Variants in YWHAB observed in about 807,000 individuals in gnomAD.
YWHAB encodes the protein tyrosine 3-monooxygenase/tryptophan 5-monooxygenase activation protein beta, also known as 14-3-3 protein beta/alpha.
Under a neutral mutation model 28.5 loss-of-function variants are expected in YWHAB, and 2 were observed. That is an observed-to-expected ratio of 0.07 (90% CI 0.03 to 0.22). The LOEUF (loss-of-function observed/expected upper bound fraction) is 0.22, where lower values mean the gene tolerates loss of function less well. Among genes scored for constraint, YWHAB ranks in the 10% least tolerant of loss-of-function variants. The pLI, the probability that YWHAB is intolerant of heterozygous loss-of-function variation, is 1.00. For missense variants in YWHAB, 148 were observed against 297.1 expected (o/e 0.50, Z 3.69); for synonymous variants, 103 against 104.7 (o/e 0.98, Z 0.10).
intron 1 of YWHAB, among the ~76,000 whole-genome samples, chr20:44,892,614 T>A (rs1246995948): frequency 6.6e-6 from 1 of 152,244 alleles, no homozygotes; most frequent in East Asian, 1.9e-4. Context: ...TTGGATTATA[T>A]GTGTTACATT....
chr20:44,889,353 A>T (rs2066546725), intron 1 of YWHAB, among the ~76,000 whole-genome samples: 2 of 152,188 alleles, frequency 1.3e-5, no homozygotes, highest in South Asian at 4.1e-4. Flanking sequence ...CTGCTTTCTC[A>T]ACTAAAAGAT....
intron 1 of YWHAB, among the ~76,000 whole-genome samples, chr20:44,896,516 G>T (rs1298883879): frequency 6.6e-6 from 1 of 152,228 alleles, no homozygotes; most frequent in Admixed American, 6.5e-5. Context: ...TGATGTGGGG[G>T]TCTGGAAGAT....
intron 1 of YWHAB, among the ~76,000 whole-genome samples, chr20:44,887,970 ATGT>A (rs2066538070): frequency 6.6e-6 from 1 of 152,210 alleles, no homozygotes; most frequent in African/African-American, 2.4e-5. Context: ...CTTTGTACAC[ATGT>A]TGCTTTCAAA....
chr20:44,895,196 G>A (rs770923520), intron 1 of YWHAB, among the ~76,000 whole-genome samples: 1 of 152,210 alleles, frequency 6.6e-6, no homozygotes, highest in Non-Finnish European at 1.5e-5. Flanking sequence ...CAGATAGGCA[G>A]GCAGTAAATA....
intron 1 of YWHAB, chr20:44,886,397 A>G (rs547343177): frequency 6.6e-6 from 1 of 152,160 alleles, no homozygotes; most frequent in African/African-American, 2.4e-5. Context: ...CAGTGGGGGA[A>G]CCCCCTCCCA....
Position 44,906,450 on chromosome 20 carries a change from C to T in YWHAB, c.*12C>T. 6.3e-7 allele frequency: 1 copy of T among 1,582,504 alleles called. No homozygotes were observed. Among genetic ancestry groups the T allele is most frequent in the Non-Finnish European group, 8.6e-7 (1 of 1,165,118 alleles). On this transcript the variant is annotated 3_prime_UTR_variant, in exon 6 of 6. Transcript: ENST00000353703. ...AGGGAGAGAACTAATGTTTCTCGTG[C>T]TTTGTGATCTGTTCAGTGTCACTCT...
chr20:44,891,200 C>G (rs1220404760), intron 1 of YWHAB, among the ~76,000 whole-genome samples: 2 of 151,618 alleles, frequency 1.3e-5, no homozygotes, highest in Admixed American at 1.3e-4. Flanking sequence ...CTCACTGCAG[C>G]CTCTGCCTTC....
intron 1 of YWHAB, among the ~76,000 whole-genome samples, chr20:44,892,736 T>G (rs766003482): frequency 2.1e-4 from 32 of 152,346 alleles, no homozygotes; most frequent in Non-Finnish European, 3.8e-4. Flanking sequence ...TATTAATGTC[T>G]CTTTTTAACA....
intron 1 of YWHAB, among the ~76,000 whole-genome samples, chr20:44,891,124 GT>G (rs530951806): frequency 2.8e-4 from 42 of 147,818 alleles, no homozygotes; most frequent in African/African-American, 6.4e-4. Context: ...ATTTGCCTAT[GT>G]TTTTTTTTTT....
At chr20:44,890,956 C>T (rs1233484392) in intron 1 of YWHAB, among the ~76,000 whole-genome samples, 2 of 152,092 alleles carry the variant, frequency 1.3e-5, no homozygotes, top group African/African-American at 4.8e-5. Context: ...AAGCAGAGTA[C>T]GTGTAAAATA....
At chr20:44,903,714 G>T (rs2066640219) in intron 2 of YWHAB, 1 of 275,178 alleles carries the variant, frequency 3.6e-6, no homozygotes, top group Non-Finnish European at 6.9e-6. Flanking sequence ...TCCATTATCT[G>T]TTTAGCTCTG....
In YWHAB at chr20:44,904,099, C is replaced by G. The variant is rs764818610; in HGVS notation, c.407C>G (p.Ser136Cys). Residue 136 changes from serine to cysteine, a missense_variant, in exon 3 of 6, where the codon TCT (serine) becomes TGT (cysteine). Physicochemically the swap from Ser to Cys is moderately radical, Grantham distance 112 (BLOSUM62 -1). This residue lies in a region of YWHAB where 110 missense variants were observed against 177.9 expected (regional missense o/e 0.62). Coordinates refer to ENST00000353703, the MANE Select transcript of YWHAB (RefSeq NM_139323.4). The stretch of plus-strand genomic sequence containing the variant: ...TTTAGGTATCTTTCTGAAGTGGCAT[C>G]TGGAGACAACAAACAAAGTAAGTAA... ...DYFRYLSEVA[S>C]GDNKQTTVSN... 1.9e-6 allele frequency: 3 copies of G among 1,612,264 alleles called. No individual in the cohort carries two copies. The highest frequency in any genetic ancestry group is 2.2e-5 in the South Asian group (2 of 90,632).
At chr20:44,905,161 A>G (rs772093123) in intron 4 of YWHAB, 30 bp downstream of exon 4, 2 of 1,575,176 alleles carry the variant, frequency 1.3e-6, no homozygotes, top group Admixed American at 1.9e-5. Context: ...ATATCTAACC[A>G]TAGCAAAACA....
chr20:44,908,368 TG>T lies in YWHAB; in HGVS notation c.*1932del, dbSNP rs1568639200. On this transcript the variant is annotated 3_prime_UTR_variant, in exon 6 of 6. Transcript: ENST00000353703. The stretch of plus-strand genomic sequence containing the variant: ...TTATATTGCCTAGCAAGCACACCCG[TG>T]GTTGTGAAAATAGTATAGCAAAAAA... 3 of 152,638 alleles carry T rather than the reference TG, an allele frequency of 2.0e-5. No individual in the cohort carries two copies. Among genetic ancestry groups the T allele is most frequent in the Non-Finnish European group, 4.4e-5 (3 of 68,030 alleles). 9.5% of individuals were successfully genotyped at this position (152,638 alleles called of 1,614,324 possible). A position where few individuals can be genotyped will look rare whatever the true frequency, so the allele number is the denominator to read the frequency against.
intron 1 of YWHAB, among the ~76,000 whole-genome samples, chr20:44,898,852 C>T (rs1048372669): frequency 2.6e-5 from 4 of 151,714 alleles, no homozygotes; most frequent in Non-Finnish European, 5.9e-5. Context: ...TGCGGTGGCT[C>T]ACACCTGTAA....
intron 4 of YWHAB, 25 bp from the exon 5 acceptor site, chr20:44,905,976 C>G: frequency 6.3e-7 from 1 of 1,595,542 alleles, no homozygotes; most frequent in African/African-American, 1.3e-5. Flanking sequence ...CTTGTGAATT[C>G]TTTGCTAAAG....
chr20:44,894,942 C>T (rs1181029279), intron 1 of YWHAB, among the ~76,000 whole-genome samples: 1 of 152,208 alleles, frequency 6.6e-6, no homozygotes. Flanking sequence ...TATTCATTTG[C>T]ATATGAGTTT....
At position 44,904,552 on chromosome 20, in the gene YWHAB, C is replaced by T. The variant is rs77680628; in HGVS notation, c.425-416C>T. ...TCACACAGCCTTACGAGTTAGGTGG[C>T]AGGCTGCCCATTTTTCATATAAACT... On this transcript the variant is annotated intron_variant, in intron 3 of 5. Transcript: ENST00000353703. Among the ~76,000 whole-genome samples the T allele has an allele frequency of 4.5e-4, 68 of 152,258 alleles. 1 individual carries two copies. The East Asian group carries it at 0.012, about 28-fold the overall frequency.
chr20:44,900,111 C>G (rs944848438), intron 1 of YWHAB, among the ~76,000 whole-genome samples: 12 of 151,752 alleles, frequency 7.9e-5, no homozygotes, highest in African/African-American at 2.9e-4. Context: ...TGTAATGGCA[C>G]AGTCACGGCT....
Sources: gnomAD v4.1 joint callset for allele counts (sites outside exome capture counted in the v4.1 genomes callset) on GRCh38, gnomAD v4.1.1 for gene constraint, gnomAD v4.1.1 regional missense constraint, MANE v1.5 for transcripts, NCBI Gene and HGNC (gene_info 2026-07-23, HGNC 2026-07-21) for gene names.